SNX13: variants seen among roughly 807,000 people sequenced by gnomAD.
SNX13 encodes sorting nexin-13.
Under a neutral mutation model 133.6 loss-of-function variants are expected in SNX13, and 45 were observed. The ratio of observed to expected loss-of-function variants is 0.34; its 90% CI spans 0.27 to 0.43. The LOEUF is 0.43. SNX13 is among the 20% of genes least tolerant of loss of function. The pLI is 1.00. For missense variants in SNX13, 1,032 were observed against 1,145.1 expected, an observed-to-expected ratio of 0.90 and a Z score of 1.43; for synonymous variants, 414 against 373.9, an observed-to-expected ratio of 1.11 and a Z score of -1.24.
chr7:17,902,131 G>A (rs1351545145), intron 1 of SNX13, among the ~76,000 whole-genome samples: 1 of 151,654 alleles, frequency 6.6e-6, no homozygotes, highest in Non-Finnish European at 1.5e-5. Context: ...GAAAACAGTA[G>A]CAAAATCACC....
chr7:17,839,205 A>G (rs1356294862), intron 13 of SNX13, among the ~76,000 whole-genome samples: 3 of 149,400 alleles, frequency 2.0e-5, no homozygotes, highest in African/African-American at 4.9e-5. Context: ...CTATAGAATT[A>G]TAGTGTATTA....
At chr7:17,896,605 C>T (rs559496411) in intron 2 of SNX13, among the ~76,000 whole-genome samples, 1 of 152,244 alleles carries the variant, frequency 6.6e-6, no homozygotes, top group East Asian at 1.9e-4. Flanking sequence ...CCACAACTAA[C>T]TACATAAATA....
chr7:17,888,341 A>C (rs978207787), intron 5 of SNX13: 1 of 189,502 alleles, frequency 5.3e-6, no homozygotes, highest in Non-Finnish European at 1.1e-5. Context: ...GATAGCACTG[A>C]ATGTTTTCAA....
intron 17 of SNX13, among the ~76,000 whole-genome samples, chr7:17,822,159 T>C (rs1170744209): frequency 1.3e-5 from 2 of 152,142 alleles, no homozygotes; most frequent in Non-Finnish European, 2.9e-5. Flanking sequence ...TTCTTTTTCT[T>C]TGATACGTTC....
intron 13 of SNX13, 77 bp downstream of exon 13, chr7:17,839,730 C>G (rs1473395421): frequency 1.4e-5 from 17 of 1,191,704 alleles, no homozygotes; most frequent in Non-Finnish European, 2.0e-5. Context: ...GGTAGTCAGC[C>G]TGGCATAAGC....
chr7:17,840,083 G>A lies in SNX13; in HGVS notation c.1166-83C>T, dbSNP rs1583433459. 14 of 1,163,726 alleles carry A rather than the reference G, an allele frequency of 1.2e-5. No homozygotes were observed. The East Asian group carries it at 3.8e-4, about 32-fold the overall frequency. 72.1% of individuals were successfully genotyped at this position (1,163,726 alleles called of 1,614,324 possible). A position where few individuals can be genotyped will look rare whatever the true frequency, so the allele number is the denominator to read the frequency against. ...TGTAGTTTTATGACAAGTAAAGAAG[G>A]ATTAAAGTTTCAAGTGTTTAAAACT... On this transcript the variant is annotated intron_variant, in intron 12 of 25. Transcript: ENST00000428135.
chr7:17,839,889 T>A lies in SNX13; in HGVS notation c.1277A>T (p.Asp426Val). Residue 426 changes from aspartate (D) to valine (V), a missense_variant, in exon 13 of 26, where the codon GAT becomes GTT. Transcript: ENST00000428135. The stretch of plus-strand genomic sequence containing the variant: ...GGTTTGGTTGGTTTGATGTTTTCCA[T>A]CTCTCTGACGACTTAATAAAACTTC... ...QLEVLLSRQR[D>V]GKHQTNQTKG... The A allele has an allele frequency of 6.2e-7, 1 of 1,612,090 alleles. No homozygotes were observed. Among genetic ancestry groups the A allele is most frequent in the Non-Finnish European group, 8.5e-7 (1 of 1,178,718 alleles).
At position 17,933,393 on chromosome 7, in the gene SNX13, A is replaced by G. The variant is rs188776171; in HGVS notation, c.12+6891T>C. Among the ~76,000 whole-genome samples the G allele has an allele frequency of 1.6e-3, 238 of 152,270 alleles. 2 individuals are homozygous for G. Among genetic ancestry groups the G allele is most frequent in the African/African-American group, 5.3e-3 (220 of 41,564 alleles). Reference sequence around the variant, plus strand: ...CCCGTCTCTACTAAAAACACAAAAAATTAGCCAGGCGTGCTGGCACGCGCC... The same window carrying G: ...CCCGTCTCTACTAAAAACACAAAAAGTTAGCCAGGCGTGCTGGCACGCGCC... On this transcript the variant is annotated intron_variant, in intron 1 of 25. Transcript: ENST00000428135.
At chr7:17,821,720 C>T in intron 17 of SNX13, 72 bp from the exon 18 acceptor site, 7 of 1,467,448 alleles carry the variant, frequency 4.8e-6, no homozygotes, top group Non-Finnish European at 6.4e-6. Context: ...ACGAAAGACA[C>T]AAAAAAGGAG....
intron 9 of SNX13, among the ~76,000 whole-genome samples, chr7:17,854,009 A>G (rs1791572416): frequency 6.6e-6 from 1 of 152,146 alleles, no homozygotes. Flanking sequence ...AATCCTAAAG[A>G]AAGTTCTTCA....
intron 16 of SNX13, 23 bp downstream of exon 16, chr7:17,829,987 A>G (rs1196419845): frequency 2.0e-6 from 3 of 1,479,586 alleles, no homozygotes; most frequent in South Asian, 2.6e-5. Flanking sequence ...TCACTTTAAT[A>G]AAGTACCCAT....
At chr7:17,832,416 A>G in intron 15 of SNX13, 1 of 984,638 alleles carries the variant, frequency 1.0e-6, no homozygotes, top group Non-Finnish European at 1.2e-6. Flanking sequence ...CACATTACTT[A>G]GAAGCCCACA....
chr7:17,870,508 T>A (rs1006311502), intron 8 of SNX13, among the ~76,000 whole-genome samples: 4 of 152,144 alleles, frequency 2.6e-5, no homozygotes, highest in Non-Finnish European at 5.9e-5. Flanking sequence ...AAAGAGAAAT[T>A]TATTTTAAAA....
At chr7:17,862,967 C>T (rs183924421) in intron 9 of SNX13, among the ~76,000 whole-genome samples, 1 of 152,220 alleles carries the variant, frequency 6.6e-6, no homozygotes, top group African/African-American at 2.4e-5. Flanking sequence ...CTCGTATTGC[C>T]TCCACCACCC....
chr7:17,914,075 A>T (rs1350179613), intron 1 of SNX13, among the ~76,000 whole-genome samples: 2 of 151,990 alleles, frequency 1.3e-5, no homozygotes, highest in African/African-American at 4.8e-5. Flanking sequence ...CTGGAATTGA[A>T]AAATTTCAAA....
chr7:17,865,955 A>G (rs924915505), intron 9 of SNX13, among the ~76,000 whole-genome samples: 5 of 152,208 alleles, frequency 3.3e-5, no homozygotes, highest in African/African-American at 4.8e-5. Context: ...GAATGAAACT[A>G]GACCCCTATC....
At chr7:17,868,897 C>T (rs574399050) in intron 8 of SNX13, among the ~76,000 whole-genome samples, 35 of 152,058 alleles carry the variant, frequency 2.3e-4, no homozygotes, top group African/African-American at 8.4e-4. Flanking sequence ...AGGGAGGAAA[C>T]GGCAACTACA....
chr7:17,850,736 C>T, intron 10 of SNX13, 90 bp downstream of exon 10: 1 of 1,050,580 alleles, frequency 9.5e-7, no homozygotes, highest in Non-Finnish European at 1.3e-6. Context: ...ACATTAATAT[C>T]AGAAAATGAC....
chr7:17,850,606 T>C (rs1348634608), intron 10 of SNX13, among the ~76,000 whole-genome samples, 171 bp from the exon 11 acceptor site: 2 of 152,212 alleles, frequency 1.3e-5, no homozygotes, highest in Non-Finnish European at 2.9e-5. Context: ...AAGTAAACCA[T>C]GCCAATTACC....
Sources: gnomAD v4.1 joint callset for allele counts (sites outside exome capture counted in the v4.1 genomes callset) on GRCh38, gnomAD v4.1.1 for gene constraint, MANE v1.5 for transcripts, NCBI Gene and HGNC (gene_info 2026-07-23, HGNC 2026-07-21) for gene names.